The following FLRT2 variants were observed in gnomAD, a reference collection of about 807,000 sequenced individuals.
FLRT2 encodes the protein fibronectin leucine rich transmembrane protein 2, also known as leucine-rich repeat transmembrane protein FLRT2.
FLRT2 carries 15 observed loss-of-function variants against 40.0 expected under a neutral mutation model. The ratio of observed to expected loss-of-function variants is 0.38; its 90% CI spans 0.25 to 0.58. The LOEUF (loss-of-function observed/expected upper bound fraction) is 0.58, where lower values mean the gene tolerates loss of function less well. Among genes scored for constraint, FLRT2 ranks in the 20% least tolerant of loss-of-function variants. The pLI, the probability that FLRT2 is intolerant of heterozygous loss-of-function variation, is 0.71. For synonymous variants in FLRT2, 380 were observed against 336.8 expected, an observed-to-expected ratio of 1.13 and a Z score of -1.41; for missense variants, 726 against 840.0, an observed-to-expected ratio of 0.86 and a Z score of 1.68.
intron 1 of FLRT2, among the ~76,000 whole-genome samples, chr14:85,617,913 T>C (rs1319925022): frequency 6.6e-6 from 1 of 152,220 alleles, no homozygotes; most frequent in Non-Finnish European, 1.5e-5. Flanking sequence ...GTTTGCCCCA[T>C]GTAATCTTAT....
chr14:85,606,759 G>A (rs1387290339), intron 1 of FLRT2, among the ~76,000 whole-genome samples: 7 of 150,914 alleles, frequency 4.6e-5, no homozygotes, highest in East Asian at 4.0e-4. Context: ...TCCTGACCTC[G>A]TCATCTGCTT....
In FLRT2 at chr14:85,623,450, C is replaced by A. The variant is rs779387867; in HGVS notation, c.1936C>A (p.Arg646=). Residue 646 remains arginine (R), a synonymous_variant, in exon 2 of 2, where the codon CGA becomes AGA. Transcript: ENST00000330753. The part of the protein sequence containing the change: ...YTDCHIPNNM[R]YCNSSVPDLE... ...AGACTGCCATATCCCCAACAACATGCGATACTGCAACAGCAGCGTGCCAGA... is the reference window on the plus strand; with the variant it reads ...AGACTGCCATATCCCCAACAACATGAGATACTGCAACAGCAGCGTGCCAGA... 7.5e-6 allele frequency: 11 copies of A among 1,469,868 alleles called. No homozygotes were observed. In the South Asian group the frequency reaches 9.5e-5, roughly 13 times the overall value. The allele number at this position is 1,469,868 out of a possible 1,614,324, so 91.1% of individuals were successfully genotyped here.
In FLRT2 at chr14:85,628,365, C is replaced by G. The variant is rs900847899; in HGVS notation, c.*4868C>G. 2.0e-5 allele frequency: 3 copies of G among 152,002 alleles called. No individual in the cohort carries two copies. The highest frequency in any genetic ancestry group is 4.4e-5 in the Non-Finnish European group (3 of 68,000). The allele number at this position is 152,002 out of a possible 1,614,324, so 9.4% of individuals were successfully genotyped here. A position where few individuals can be genotyped will look rare whatever the true frequency, so the allele number is the denominator to read the frequency against. On this transcript the variant is annotated 3_prime_UTR_variant, in exon 2 of 2. Coordinates refer to ENST00000330753, the MANE Select transcript of FLRT2 (RefSeq NM_013231.6). ...ATGTTGCCCAGGCTGGTCTCAAACTCCTAGATGCAAGCAATCATCCCACCT... is the reference window on the plus strand; with the variant it reads ...ATGTTGCCCAGGCTGGTCTCAAACTGCTAGATGCAAGCAATCATCCCACCT...
At chr14:85,609,338 G>A (rs1892760009) in intron 1 of FLRT2, among the ~76,000 whole-genome samples, 1 of 152,146 alleles carries the variant, frequency 6.6e-6, no homozygotes, top group South Asian at 2.1e-4. Context: ...TTGGTTGTAG[G>A]TCTAAGGTTG....
intron 1 of FLRT2, among the ~76,000 whole-genome samples, chr14:85,596,406 C>A (rs1429874204): frequency 6.6e-6 from 1 of 152,218 alleles, no homozygotes; most frequent in Non-Finnish European, 1.5e-5. Context: ...TTCTGAGGAG[C>A]TCCAGCACAT....
In FLRT2 at chr14:85,622,114, C is replaced by G; in HGVS notation, c.600C>G (p.Phe200Leu). The change falls in exon 2 of 2, where the codon TTC (phenylalanine) becomes TTG (leucine). Residue 200 changes from phenylalanine to leucine, a missense_variant. Phe to Leu is a conservative substitution (Grantham distance 22). This residue lies in a region of FLRT2 where 611 missense variants were observed against 690.0 expected (regional missense o/e 0.89). Transcript: ENST00000330753. ...TTGCTGTCATATCCGACATGGCCTT[C>G]CAGAATCTCACGAGCTTGGAGCGTC... ...NRIAVISDMAFQNLTSLERLI... is the reference protein window; with the variant it reads ...NRIAVISDMALQNLTSLERLI... 1 of 1,614,142 alleles carries G rather than the reference C, an allele frequency of 6.2e-7. No homozygotes were observed. The highest frequency in any genetic ancestry group is 1.1e-5 in the South Asian group (1 of 91,082).
intron 1 of FLRT2, among the ~76,000 whole-genome samples, chr14:85,569,526 G>C (rs1890795472): frequency 6.6e-6 from 1 of 152,192 alleles, no homozygotes; most frequent in African/African-American, 2.4e-5. Flanking sequence ...TCAGTCCTTA[G>C]AGATAAATGT....
chr14:85,620,210 A>C (rs1461393306), intron 1 of FLRT2, among the ~76,000 whole-genome samples: 1 of 152,142 alleles, frequency 6.6e-6, no homozygotes, highest in Non-Finnish European at 1.5e-5. Flanking sequence ...CACTACGTTT[A>C]TACTACTTTT....
At chr14:85,575,474 CAT>C (rs1222494841) in intron 1 of FLRT2, among the ~76,000 whole-genome samples, 4 of 152,156 alleles carry the variant, frequency 2.6e-5, no homozygotes, top group African/African-American at 9.6e-5. Flanking sequence ...TTGGTAAGCA[CAT>C]GTTAGGTTGG....
rs1310266507 is a variant in FLRT2 at position 85,623,398 on chromosome 14, C to T, written c.1884C>T (p.Tyr628=). The stretch of plus-strand genomic sequence containing the variant: ...GAGATTTCAGACTGCAGCCCATTTA[C>T]ACCCCAAATGGGGGCATTAATTACA... The part of the protein sequence containing the change: ...LKGDFRLQPI[Y]TPNGGINYTD... The change falls in exon 2 of 2, where the codon TAC becomes TAT. Residue 628 remains tyrosine (Y), a synonymous_variant. Coordinates refer to ENST00000330753, the MANE Select transcript of FLRT2 (RefSeq NM_013231.6). 1.3e-6 allele frequency: 2 copies of T among 1,515,168 alleles called. No individual in the cohort carries two copies. The highest frequency in any genetic ancestry group is 1.8e-6 in the Non-Finnish European group (2 of 1,134,868). 93.9% of individuals were successfully genotyped at this position (1,515,168 alleles called of 1,614,324 possible).
chr14:85,640,971 C>T lies in FLRT2; in HGVS notation c.*17474C>T, dbSNP rs1894135532. Reference sequence around the variant, plus strand: ...GTTGCTTAAACTGTAGCCATAATTTCCTCATAGATTTGGTATGAGTTAAAA... The same window carrying T: ...GTTGCTTAAACTGTAGCCATAATTTTCTCATAGATTTGGTATGAGTTAAAA... On this transcript the variant is annotated 3_prime_UTR_variant, in exon 2 of 2. Transcript: ENST00000330753. The T allele has an allele frequency of 6.6e-6, 1 of 152,182 alleles. No individual in the cohort carries two copies. The highest frequency in any genetic ancestry group is 6.5e-5 in the Admixed American group (1 of 15,274). 9.4% of individuals were successfully genotyped at this position (152,182 alleles called of 1,614,324 possible).
chr14:85,618,570 CAT>C (rs1465864935), intron 1 of FLRT2, among the ~76,000 whole-genome samples: 1 of 152,068 alleles, frequency 6.6e-6, no homozygotes, highest in African/African-American at 2.4e-5. Context: ...AAGTGTCGTA[CAT>C]AGTCATTGCA....
intron 1 of FLRT2, among the ~76,000 whole-genome samples, chr14:85,546,892 TAAAC>T (rs1200023518): frequency 6.6e-6 from 1 of 152,238 alleles, no homozygotes; most frequent in Admixed American, 6.5e-5. Flanking sequence ...ATTTCTTTAT[TAAAC>T]AAAATATGCT....
At chr14:85,606,245 A>T (rs998332566) in intron 1 of FLRT2, among the ~76,000 whole-genome samples, 1 of 152,194 alleles carries the variant, frequency 6.6e-6, no homozygotes, top group Non-Finnish European at 1.5e-5. Context: ...AACCGCTAAC[A>T]CTCAGTATGT....
intron 1 of FLRT2, among the ~76,000 whole-genome samples, chr14:85,565,215 A>C (rs1890564106): frequency 6.6e-6 from 1 of 152,208 alleles, no homozygotes. Context: ...TCCTGACCCA[A>C]ATAGCATATG....
chr14:85,578,796 T>A (rs371498081), intron 1 of FLRT2, among the ~76,000 whole-genome samples: 1 of 152,314 alleles, frequency 6.6e-6, no homozygotes, highest in East Asian at 1.9e-4. Flanking sequence ...CAGGCAGCTC[T>A]ACTGGATGGT....
At chr14:85,601,796 G>T (rs1892388992) in intron 1 of FLRT2, among the ~76,000 whole-genome samples, 1 of 152,146 alleles carries the variant, frequency 6.6e-6, no homozygotes, top group African/African-American at 2.4e-5. Context: ...AATTATTACT[G>T]GTAAAGTCAC....
Position 85,621,904 on chromosome 14 carries a change from C to T in FLRT2, c.390C>T (p.Ala130=). ...NIQTISRAAL[A]QLLKLEELHL... is the part of the protein sequence containing the mutation. Reference sequence around the variant, plus strand: ...AGACCATTTCACGGGCTGCTCTTGCCCAGCTCTTGAAGCTTGAAGAGCTGC... The same window carrying T: ...AGACCATTTCACGGGCTGCTCTTGCTCAGCTCTTGAAGCTTGAAGAGCTGC... The change falls in exon 2 of 2, where the codon GCC becomes GCT. Residue 130 remains alanine (A), a synonymous_variant. Coordinates refer to ENST00000330753, the MANE Select transcript of FLRT2 (RefSeq NM_013231.6). 1 of 1,604,502 alleles carries T rather than the reference C, an allele frequency of 6.2e-7. No individual in the cohort carries two copies.
intron 1 of FLRT2, among the ~76,000 whole-genome samples, chr14:85,611,356 G>T (rs1892848379): frequency 2.0e-5 from 3 of 152,184 alleles, no homozygotes; most frequent in African/African-American, 7.2e-5. Context: ...CACTTGGTTT[G>T]GAATGTTTAC....
Sources: gnomAD v4.1 joint callset for allele counts (sites outside exome capture counted in the v4.1 genomes callset) on GRCh38, gnomAD v4.1.1 for gene constraint, gnomAD v4.1.1 regional missense constraint, MANE v1.5 for transcripts, NCBI Gene and HGNC (gene_info 2026-07-23, HGNC 2026-07-21) for gene names.